SRD5A1: variants seen among roughly 807,000 people sequenced by gnomAD.
The protein encoded by SRD5A1 is steroid 5 alpha-reductase 1, also known as 3-oxo-5-alpha-steroid 4-dehydrogenase 1.
Under a neutral mutation model 28.2 loss-of-function variants are expected in SRD5A1, and 22 were observed. The ratio of observed to expected loss-of-function variants is 0.78; its 90% CI spans 0.56 to 1.12. SRD5A1 has a LOEUF of 1.12. Among genes scored for constraint, SRD5A1 ranks in the 50% most tolerant of loss-of-function variants. The probability of loss-of-function intolerance (pLI) is 0.00; values close to 1 mark genes in which losing one functional copy is unlikely to be tolerated. For synonymous variants in SRD5A1, 151 were observed against 135.0 expected, an observed-to-expected ratio of 1.12 and a Z score of -0.82; for missense variants, 300 against 346.7, an observed-to-expected ratio of 0.87 and a Z score of 1.07.
At chr5:6,652,867 C>CT (rs1432046148) in intron 2 of SRD5A1, among the ~76,000 whole-genome samples, 3 of 95,026 alleles carry the variant, frequency 3.2e-5, no homozygotes. Flanking sequence ...GAGTGAGACT[C>CT]TGTCTCAAAA....
At chr5:6,655,477 A>C (rs1048711668) in intron 2 of SRD5A1, among the ~76,000 whole-genome samples, 1 of 152,226 alleles carries the variant, frequency 6.6e-6, no homozygotes, top group African/African-American at 2.4e-5. Flanking sequence ...AGAACCGAGG[A>C]GGAAGGACTG....
intron 3 of SRD5A1, among the ~76,000 whole-genome samples, chr5:6,659,975 AG>A (rs1350898699): frequency 2.0e-5 from 3 of 152,156 alleles, no homozygotes; most frequent in Non-Finnish European, 4.4e-5. Context: ...GTCTACATCC[AG>A]TGACTCCGTG....
In SRD5A1 at chr5:6,633,544, CTG is replaced by C; in HGVS notation, c.-32_-31del. On this transcript the variant is annotated 5_prime_UTR_variant, in exon 1 of 5. Transcript: ENST00000274192. ...CCCTATATGTTGCCCGCCGCGGCCTCTGGGGCATGGAGCACGCTGCCCAGCCC... is the reference window on the plus strand; with the variant it reads ...CCCTATATGTTGCCCGCCGCGGCCTCGGGCATGGAGCACGCTGCCCAGCCC... 6.8e-7 allele frequency: 1 copy of C among 1,460,924 alleles called. No individual in the cohort carries two copies. Among genetic ancestry groups the C allele is most frequent in the South Asian group, 1.4e-5 (1 of 73,732 alleles). 90.5% of individuals were successfully genotyped at this position (1,460,924 alleles called of 1,614,324 possible).
chr5:6,642,981 C>T (rs1006081865), intron 1 of SRD5A1, among the ~76,000 whole-genome samples: 4 of 151,970 alleles, frequency 2.6e-5, no homozygotes, highest in African/African-American at 9.7e-5. Flanking sequence ...CCTGCTGATA[C>T]AAGGAATAGC....
intron 3 of SRD5A1, among the ~76,000 whole-genome samples, chr5:6,659,337 TCTC>T (rs1738933554): frequency 6.6e-6 from 1 of 151,908 alleles, no homozygotes; most frequent in South Asian, 2.1e-4. Flanking sequence ...ATGGTCTCGA[TCTC>T]CTGACCTCGT....
At chr5:6,634,414 G>A (rs940822010) in intron 1 of SRD5A1, among the ~76,000 whole-genome samples, 1 of 151,772 alleles carries the variant, frequency 6.6e-6, no homozygotes, top group Admixed American at 6.6e-5. Flanking sequence ...GATCACGACT[G>A]TGGGGGCGGG....
intron 4 of SRD5A1, among the ~76,000 whole-genome samples, chr5:6,667,622 T>C (rs1364450639): frequency 6.6e-6 from 1 of 152,236 alleles, no homozygotes; most frequent in Non-Finnish European, 1.5e-5. Flanking sequence ...CACGCCTGCA[T>C]TGATACAATT....
chr5:6,642,930 A>G (rs1028542510), intron 1 of SRD5A1, among the ~76,000 whole-genome samples: 2 of 152,366 alleles, frequency 1.3e-5, no homozygotes, highest in East Asian at 1.9e-4. Context: ...CACTGTTGAC[A>G]CTATGGGCTT....
rs1361797631 is a variant in SRD5A1, at chr5:6,671,177, G to T, written c.*2909G>T. 2.0e-5 allele frequency: 3 copies of T among 152,088 alleles called. No homozygotes were observed. Among genetic ancestry groups the T allele is most frequent in the Non-Finnish European group, 4.4e-5 (3 of 68,006 alleles). The allele number at this position is 152,088 out of a possible 1,614,324, so 9.4% of individuals were successfully genotyped here. ...TGCATGCCAACATCTACTGTTTTTT[G>T]ATTTTTTTGGTTATGGCCGTTCTTG... On this transcript the variant is annotated 3_prime_UTR_variant, in exon 5 of 5. Transcript: ENST00000274192.
At chr5:6,654,144 C>T (rs975272216) in intron 2 of SRD5A1, among the ~76,000 whole-genome samples, 1 of 152,102 alleles carries the variant, frequency 6.6e-6, no homozygotes, top group East Asian at 1.9e-4. Context: ...CCTCTGCCTC[C>T]TGAGTTCAAG....
At chr5:6,660,373 G>A (rs1003036076) in intron 3 of SRD5A1, among the ~76,000 whole-genome samples, 4 of 152,240 alleles carry the variant, frequency 2.6e-5, no homozygotes, top group African/African-American at 7.2e-5. Context: ...GGAAGGCATC[G>A]TGGCCCCAGC....
rs1016900965 is a variant in SRD5A1, at chr5:6,640,624, C to T, written c.293+6755C>T. Among the ~76,000 whole-genome samples the T allele has an allele frequency of 5.3e-4, 80 of 151,800 alleles. 1 individual carries two copies. Among genetic ancestry groups the T allele is most frequent in the Non-Finnish European group, 1.0e-4 (7 of 67,978 alleles). ...TCAAACAGTCCTCCTTCCTTGGCCT[C>T]CCAAAGTGGTGGGATTACCACCACA... On this transcript the variant is annotated intron_variant, in intron 1 of 4. Transcript: ENST00000274192.
chr5:6,634,599 T>A (rs1314443469), intron 1 of SRD5A1, among the ~76,000 whole-genome samples: 7 of 152,176 alleles, frequency 4.6e-5, no homozygotes. Context: ...CCTAGCAGTT[T>A]CTCCTTATAG....
At chr5:6,656,777 A>C (rs1738847308) in intron 3 of SRD5A1, among the ~76,000 whole-genome samples, 1 of 152,168 alleles carries the variant, frequency 6.6e-6, no homozygotes, top group Non-Finnish European at 1.5e-5. Context: ...GGCCAGCAAA[A>C]GCCCAGATCC....
intron 2 of SRD5A1, among the ~76,000 whole-genome samples, chr5:6,653,844 C>G (rs1738756073): frequency 6.6e-6 from 1 of 152,080 alleles, no homozygotes; most frequent in African/African-American, 2.4e-5. Flanking sequence ...AAACACCAAT[C>G]AATTGTAGAC....
chr5:6,652,873 C>CAAA (rs11343625), intron 2 of SRD5A1, among the ~76,000 whole-genome samples: 26 of 95,142 alleles, frequency 2.7e-4, no homozygotes, highest in East Asian at 9.5e-4. Context: ...GACTCTGTCT[C>CAAA]AAAAAAAAAA....
intron 1 of SRD5A1, among the ~76,000 whole-genome samples, chr5:6,649,470 A>T (rs1423745176): frequency 6.6e-6 from 1 of 152,152 alleles, no homozygotes; most frequent in Non-Finnish European, 1.5e-5. Flanking sequence ...ACCAAGCTCT[A>T]GCATCCCAGG....
chr5:6,649,247 G>A (rs1199085726), intron 1 of SRD5A1, among the ~76,000 whole-genome samples: 3 of 152,186 alleles, frequency 2.0e-5, no homozygotes, highest in Non-Finnish European at 2.9e-5. Context: ...AGCTCGAACT[G>A]TGTGCTGGGA....
intron 3 of SRD5A1, among the ~76,000 whole-genome samples, chr5:6,658,184 G>C (rs1429746666): frequency 3.3e-5 from 5 of 152,148 alleles, no homozygotes; most frequent in Non-Finnish European, 7.4e-5. Context: ...AATTAGCTGG[G>C]CGTGGTGGCA....
Sources: gnomAD v4.1 joint callset for allele counts (sites outside exome capture counted in the v4.1 genomes callset) on GRCh38, gnomAD v4.1.1 for gene constraint, MANE v1.5 for transcripts, NCBI Gene and HGNC (gene_info 2026-07-23, HGNC 2026-07-21) for gene names.